Variants in CSMD1 observed in about 807,000 individuals in gnomAD.
The protein encoded by CSMD1 is CUB and Sushi multiple domains 1, also known as CUB and sushi domain-containing protein 1.
A neutral mutation model predicts 417.5 loss-of-function variants in CSMD1; 213 were observed. That is an observed-to-expected ratio of 0.51 (90% CI 0.46 to 0.57). CSMD1 has a LOEUF of 0.57. CSMD1 is among the 20% of genes least tolerant of loss of function. The probability of loss-of-function intolerance (pLI) is 0.00; values close to 1 mark genes in which losing one functional copy is unlikely to be tolerated. For missense variants in CSMD1, 6,923 were observed against 4,529.7 expected (o/e 1.53, Z -15.17); for synonymous variants, 2,862 against 1,736.8 (o/e 1.65, Z -16.11).
intron 5 of CSMD1, among the ~76,000 whole-genome samples, chr8:3,988,996 A>C (rs2130263383): frequency 6.6e-6 from 1 of 152,356 alleles, no homozygotes; most frequent in East Asian, 1.9e-4. Flanking sequence ...AACTAGATAC[A>C]GGTAAAAACC....
intron 50 of CSMD1, among the ~76,000 whole-genome samples, chr8:3,049,338 T>C (rs910950561): frequency 1.3e-5 from 2 of 152,172 alleles, no homozygotes; most frequent in South Asian, 4.1e-4. Flanking sequence ...ACCCAGATGT[T>C]GTCTGTACGT....
chr8:3,882,404 C>G (rs770857183), intron 5 of CSMD1, among the ~76,000 whole-genome samples: 2 of 152,266 alleles, frequency 1.3e-5, no homozygotes, highest in South Asian at 2.1e-4. Flanking sequence ...AAACAGGAAA[C>G]CTGCCAAATG....
rs146406415 is a variant in CSMD1, at chr8:3,561,792, C to T, written c.1344+13153G>A. Reference sequence around the variant, plus strand: ...AAAATTTAACAAGTAAAATTAAAAACAGAAAAAGAAAAAAAAGTAGTATCT... The same window carrying T: ...AAAATTTAACAAGTAAAATTAAAAATAGAAAAAGAAAAAAAAGTAGTATCT... On this transcript the variant is annotated intron_variant, in intron 10 of 69. Transcript: ENST00000635120. Among the ~76,000 whole-genome samples, 805 of 148,986 alleles carry T rather than the reference C, an allele frequency of 5.4e-3. 3 individuals are homozygous for T. The highest frequency in any genetic ancestry group is 0.015 in the Middle Eastern group (4 of 274).
At chr8:3,775,475 A>C (rs907514700) in intron 5 of CSMD1, among the ~76,000 whole-genome samples, 2 of 152,196 alleles carry the variant, frequency 1.3e-5, no homozygotes, top group Non-Finnish European at 2.9e-5. Context: ...GATACTCATG[A>C]AAAGGACACG....
intron 3 of CSMD1, among the ~76,000 whole-genome samples, chr8:4,245,096 G>A (rs991192194): frequency 3.3e-5 from 5 of 152,044 alleles, no homozygotes; most frequent in African/African-American, 4.8e-5. Context: ...AATGAATAAC[G>A]ACCCTCAAGA....
chr8:2,991,756 T>C (rs1806407394), intron 54 of CSMD1, among the ~76,000 whole-genome samples: 1 of 152,238 alleles, frequency 6.6e-6, no homozygotes, highest in African/African-American at 2.4e-5. Context: ...TTTAAATACA[T>C]AAATAGCATT....
At chr8:3,155,533 A>G (rs1032641189) in intron 39 of CSMD1, among the ~76,000 whole-genome samples, 2 of 151,220 alleles carry the variant, frequency 1.3e-5, no homozygotes, top group East Asian at 3.9e-4. Flanking sequence ...ACGCCCAGCT[A>G]ATTTTTTGTA....
intron 3 of CSMD1, among the ~76,000 whole-genome samples, chr8:4,292,555 C>G (rs1171691934): frequency 6.6e-6 from 1 of 152,066 alleles, no homozygotes; most frequent in Non-Finnish European, 1.5e-5. Context: ...CCGTGCCCGC[C>G]CGAATTTTTT....
chr8:3,580,309 G>C (rs1800328435), intron 9 of CSMD1, among the ~76,000 whole-genome samples: 1 of 152,072 alleles, frequency 6.6e-6, no homozygotes, highest in South Asian at 2.1e-4. Context: ...GAGGGAAAAG[G>C]CCTGCTCTGT....
rs1387375439 is a variant in CSMD1 at position 4,205,440 on chromosome 8, A to G, written c.416-173341T>C. Among the ~76,000 whole-genome samples the G allele has an allele frequency of 3.3e-5, 5 of 152,222 alleles. No individual in the cohort carries two copies. The East Asian group carries it at 7.7e-4, about 23-fold the overall frequency. On this transcript the variant is annotated intron_variant, in intron 3 of 69. Transcript: ENST00000635120. Reference sequence around the variant, plus strand: ...GTATCACCAAACTGATATTTATTTCATGATGCGCCCATTTATATACTTACA... The same window carrying G: ...GTATCACCAAACTGATATTTATTTCGTGATGCGCCCATTTATATACTTACA...
intron 23 of CSMD1, among the ~76,000 whole-genome samples, chr8:3,324,798 T>G (rs964603422): frequency 2.6e-5 from 4 of 152,214 alleles, no homozygotes; most frequent in Non-Finnish European, 4.4e-5. Flanking sequence ...TGTTCAATCT[T>G]GGCATTTACT....
chr8:3,912,448 G>T (rs1297706535), intron 5 of CSMD1, among the ~76,000 whole-genome samples: 1 of 152,250 alleles, frequency 6.6e-6, no homozygotes, highest in East Asian at 1.9e-4. Flanking sequence ...GACCAGGGAA[G>T]ACATTCCTAA....
intron 2 of CSMD1, among the ~76,000 whole-genome samples, chr8:4,463,643 T>C (rs1450628550): frequency 6.6e-6 from 1 of 152,156 alleles, no homozygotes; most frequent in Non-Finnish European, 1.5e-5. Context: ...TGGAAAGAGC[T>C]AGTCACAAAA....
At chr8:3,284,519 CA>C in intron 25 of CSMD1, 173 bp from the exon 26 acceptor site, 1 of 612,812 alleles carries the variant, frequency 1.6e-6, no homozygotes, top group East Asian at 2.8e-5. Flanking sequence ...GAAGATAATT[CA>C]GGAGTGTAAA....
intron 5 of CSMD1, among the ~76,000 whole-genome samples, chr8:3,901,257 C>G (rs1455823865): frequency 6.6e-6 from 1 of 152,112 alleles, no homozygotes; most frequent in Non-Finnish European, 1.5e-5. Context: ...TCCAGTTGTA[C>G]TGAGGTTTCT....
chr8:4,056,987 A>C (rs1249489493), intron 3 of CSMD1, among the ~76,000 whole-genome samples: 3 of 152,220 alleles, frequency 2.0e-5, no homozygotes, highest in Non-Finnish European at 2.9e-5. Context: ...ATACTGCTGC[A>C]ATAAACATAC....
intron 3 of CSMD1, among the ~76,000 whole-genome samples, chr8:4,342,251 CTCT>C (rs1563074136): frequency 5.3e-5 from 1 of 18,734 alleles, no homozygotes; most frequent in Non-Finnish European, 1.0e-4. Context: ...GTGTGTGTGT[CTCT>C]GTATGTGTGT....
chr8:3,222,946 G>A (rs1054544279), intron 28 of CSMD1, among the ~76,000 whole-genome samples: 1 of 152,122 alleles, frequency 6.6e-6, no homozygotes, highest in African/African-American at 2.4e-5. Context: ...AAGGAAAGTC[G>A]TTCCATTGAC....
chr8:4,780,298 T>C (rs1174256493), intron 1 of CSMD1, among the ~76,000 whole-genome samples: 1 of 152,218 alleles, frequency 6.6e-6, no homozygotes, highest in Non-Finnish European at 1.5e-5. Context: ...CTCTGTATAC[T>C]GCGCTATATA....
Sources: gnomAD v4.1 joint callset for allele counts (sites outside exome capture counted in the v4.1 genomes callset) on GRCh38, gnomAD v4.1.1 for gene constraint, MANE v1.5 for transcripts, NCBI Gene and HGNC (gene_info 2026-07-23, HGNC 2026-07-21) for gene names.